GATA6: variants seen among roughly 807,000 people sequenced by gnomAD.
GATA6 encodes the protein transcription factor GATA-6.
A neutral mutation model predicts 48.1 loss-of-function variants in GATA6; 11 were observed. The ratio of observed to expected loss-of-function variants is 0.23; its 90% CI spans 0.14 to 0.38. The LOEUF (loss-of-function observed/expected upper bound fraction) is 0.38, where lower values mean the gene tolerates loss of function less well. GATA6 is among the 10% of genes least tolerant of loss of function. The pLI, the probability that GATA6 is intolerant of heterozygous loss-of-function variation, is 1.00. For synonymous variants in GATA6, 419 were observed against 396.1 expected (o/e 1.06, Z -0.69); for missense variants, 795 against 850.3 (o/e 0.93, Z 0.81).
At chr18:22,191,610 TGTTA>T (rs1177899680) in intron 6 of GATA6, among the ~76,000 whole-genome samples, 2 of 152,220 alleles carry the variant, frequency 1.3e-5, no homozygotes, top group African/African-American at 4.8e-5. Context: ...AAGTACAATC[TGTTA>T]GTTCTGTTCA....
Position 22,171,010 on chromosome 18 carries a change from T to G in GATA6, c.-37-98T>G. On this transcript the variant is annotated intron_variant, in intron 1 of 6. Coordinates refer to ENST00000269216, the MANE Select transcript of GATA6 (RefSeq NM_005257.6). The surrounding 1 kb of genome is among the most constrained non-coding windows in gnomAD (Gnocchi z 7.1). ...GATCTTTGAGAAGTCAGATCCCATT[T>G]GAACTAGAAAAAGGAGTGGAGGCGA... is the stretch of plus-strand genomic sequence containing the variant. 1.4e-6 allele frequency: 1 copy of G among 731,544 alleles called. No homozygotes were observed. Among genetic ancestry groups the G allele is most frequent in the Non-Finnish European group, 2.4e-6 (1 of 419,324 alleles). The allele number at this position is 731,544 out of a possible 1,614,324, so 45.3% of individuals were successfully genotyped here. A position where few individuals can be genotyped will look rare whatever the true frequency, so the allele number is the denominator to read the frequency against.
At position 22,185,572 on chromosome 18, in the gene GATA6, ACTCTTGG is replaced by A; in HGVS notation, c.1620+2531_1620+2537del. On this transcript the variant is annotated intron_variant, in intron 6 of 6. Transcript: ENST00000269216. This position sits in a 1 kb window ranked among gnomAD's most constrained non-coding sequence, Gnocchi z 4.3. ...AACCTCCCCAGTTCCCCAGGGACTG[ACTCTTGG>A]CCTTGTTCCGAGGGCACACACGGCT... is the stretch of plus-strand genomic sequence containing the variant. 6.6e-6 allele frequency among the ~76,000 whole-genome samples: 1 copy of A among 152,136 alleles called. No homozygotes were observed. Among genetic ancestry groups the A allele is most frequent in the Middle Eastern group, 3.4e-3 (1 of 292 alleles).
At chr18:22,191,961 C>T (rs537629585) in intron 6 of GATA6, among the ~76,000 whole-genome samples, 4 of 152,304 alleles carry the variant, frequency 2.6e-5, no homozygotes, top group Admixed American at 1.3e-4. Flanking sequence ...TGGCCTGGCA[C>T]GGTTTCACCA....
chr18:22,172,493 T>C lies in GATA6; in HGVS notation c.1135+214T>C, dbSNP rs1415474546. The stretch of plus-strand genomic sequence containing the variant: ...GAGTTGTGCCAAGACTTGAGTCTGT[T>C]GTGCCAAGTTCCTTTCCACGGATGA... On this transcript the variant is annotated intron_variant, in intron 2 of 6. Coordinates refer to ENST00000269216, the MANE Select transcript of GATA6 (RefSeq NM_005257.6). This position sits in a 1 kb window ranked among gnomAD's most constrained non-coding sequence, Gnocchi z 5.2. Among the ~76,000 whole-genome samples the C allele has an allele frequency of 6.6e-6, 1 of 152,264 alleles. No homozygotes were observed. Among genetic ancestry groups the C allele is most frequent in the East Asian group, 1.9e-4 (1 of 5,186 alleles).
chr18:22,197,981 C>G (rs2033412122), intron 6 of GATA6, among the ~76,000 whole-genome samples: 1 of 151,842 alleles, frequency 6.6e-6, no homozygotes, highest in Non-Finnish European at 1.5e-5. Context: ...CCTGGGAGCT[C>G]CTGGGGCAGT....
At chr18:22,178,972 T>C (rs2143295016) in intron 3 of GATA6, among the ~76,000 whole-genome samples, 1 of 152,360 alleles carries the variant, frequency 6.6e-6, no homozygotes. Flanking sequence ...GGAATAGTAG[T>C]CATTTAGGTT....
At position 22,171,201 on chromosome 18, in the gene GATA6, G is replaced by C. The variant is rs764489452; in HGVS notation, c.57G>C (p.Ala19=). 1.3e-6 allele frequency: 2 copies of C among 1,599,676 alleles called. No homozygotes were observed. Among genetic ancestry groups the C allele is most frequent in the Admixed American group, 3.3e-5 (2 of 59,950 alleles). The change falls in exon 2 of 7, where the codon GCG becomes GCC. Residue 19 remains alanine (A), a synonymous_variant. Coordinates refer to ENST00000269216, the MANE Select transcript of GATA6 (RefSeq NM_005257.6). This position sits in a 1 kb window ranked among gnomAD's most constrained non-coding sequence, Gnocchi z 7.1. ...CLPKRFGAAG[A]DASDSRAFPA... ...CGAAGCGCTTCGGGGCCGCGGGTGC[G>C]GACGCCAGCGACTCCAGAGCCTTTC...
chr18:22,170,982 T>G lies in GATA6; in HGVS notation c.-37-126T>G. On this transcript the variant is annotated intron_variant, in intron 1 of 6. Transcript: ENST00000269216. This position sits in a 1 kb window ranked among gnomAD's most constrained non-coding sequence, Gnocchi z 6.7. ...AATAGGATCTTTGAGAAGTCTCAAA[T>G]GGGATCTTTGAGAAGTCAGATCCCA... 1 of 663,522 alleles carries G rather than the reference T, an allele frequency of 1.5e-6. No individual in the cohort carries two copies. Among genetic ancestry groups the G allele is most frequent in the Non-Finnish European group, 2.7e-6 (1 of 372,904 alleles). 41.1% of individuals were successfully genotyped at this position (663,522 alleles called of 1,614,324 possible).
rs1461972429 is a variant in GATA6, at chr18:22,172,331, C to T, written c.1135+52C>T. ...TGCGGGTCCAAAGCGCTGGGGCGCA[C>T]GGGGGACGTGGAGCAGCTGCTCCAC... On this transcript the variant is annotated intron_variant, in intron 2 of 6. Transcript: ENST00000269216. This position sits in a 1 kb window ranked among gnomAD's most constrained non-coding sequence, Gnocchi z 5.2. 1 of 1,512,036 alleles carries T rather than the reference C, an allele frequency of 6.6e-7. No individual in the cohort carries two copies. The highest frequency in any genetic ancestry group is 8.8e-7 in the Non-Finnish European group (1 of 1,131,556). The allele number at this position is 1,512,036 out of a possible 1,614,324, so 93.7% of individuals were successfully genotyped here.
chr18:22,171,468 C>G lies in GATA6; in HGVS notation c.324C>G (p.Ser108Arg). The G allele has an allele frequency of 6.3e-7, 1 of 1,599,892 alleles. No homozygotes were observed. Among genetic ancestry groups the G allele is most frequent in the East Asian group, 2.2e-5 (1 of 44,798 alleles). The change falls in exon 2 of 7, where the codon AGC becomes AGG. Residue 108 changes from serine (S) to arginine (R), a missense_variant. Physicochemically the swap from Ser to Arg is moderately radical, Grantham distance 110 (BLOSUM62 -1). Coordinates refer to ENST00000269216, the MANE Select transcript of GATA6 (RefSeq NM_005257.6). This position sits in a 1 kb window ranked among gnomAD's most constrained non-coding sequence, Gnocchi z 7.1. ...GVAGPGGNLS[S>R]WEDLLLFTDL... ...CGGGCCCCGGGGGCAACCTGTCGAG[C>G]TGGGAGGACTTGCTGCTGTTCACTG...
Position 22,200,799 on chromosome 18 carries a change from C to G in GATA6, c.1764C>G (p.Ser588=), listed in dbSNP as rs1333538423. ...TCACGTCCTCCGTGCGACCGGATTCCTGGTGCGCCCTGGCCCTGGCCTGAG... is the reference window on the plus strand; with the variant it reads ...TCACGTCCTCCGTGCGACCGGATTCGTGGTGCGCCCTGGCCCTGGCCTGAG... The part of the protein sequence containing the change: ...AEVTSSVRPD[S]WCALALA Residue 588 remains serine (S), a synonymous_variant, in exon 7 of 7, where the codon TCC becomes TCG. Coordinates refer to ENST00000269216, the MANE Select transcript of GATA6 (RefSeq NM_005257.6). 1 of 1,612,256 alleles carries G rather than the reference C, an allele frequency of 6.2e-7. No homozygotes were observed. Among genetic ancestry groups the G allele is most frequent in the Admixed American group, 1.7e-5 (1 of 60,006 alleles).
chr18:22,173,140 A>G (rs1181737148), intron 2 of GATA6, among the ~76,000 whole-genome samples: 1 of 152,102 alleles, frequency 6.6e-6, no homozygotes, highest in Non-Finnish European at 1.5e-5. Context: ...TGAAAACGCT[A>G]TTGTCAAAAA....
intron 6 of GATA6, among the ~76,000 whole-genome samples, chr18:22,196,211 A>G (rs1236141237): frequency 6.6e-6 from 1 of 152,172 alleles, no homozygotes; most frequent in Admixed American, 6.5e-5. Flanking sequence ...TTTTTCTGAC[A>G]GGCTCAGCTA....
intron 2 of GATA6, chr18:22,175,458 A>G (rs1346561305): frequency 6.6e-6 from 1 of 152,192 alleles, no homozygotes; most frequent in African/African-American, 2.4e-5. Flanking sequence ...TCAACAACAA[A>G]GACAAATACC....
intron 6 of GATA6, among the ~76,000 whole-genome samples, chr18:22,184,602 C>A (rs1244309438): frequency 6.6e-6 from 1 of 152,028 alleles, no homozygotes; most frequent in African/African-American, 2.4e-5. Context: ...TCAAGCAATC[C>A]TCCCACTTCA....
At chr18:22,181,640 G>T in intron 4 of GATA6, 62 bp downstream of exon 4, 1 of 1,582,492 alleles carries the variant, frequency 6.3e-7, no homozygotes, top group Admixed American at 1.7e-5. Flanking sequence ...TGTGATATCA[G>T]TTACAAAGAA....
chr18:22,176,850 AGGGAAGCCGGGCACCGGGGCT>A, intron 2 of GATA6, 84 bp from the exon 3 acceptor site: 3 of 1,319,358 alleles, frequency 2.3e-6, no homozygotes, highest in Non-Finnish European at 3.0e-6. Context: ...GGGCACGGGC[AGGGAAGCCGGGCACCGGGGCT>A]GGGGGCCGGG....
intron 6 of GATA6, among the ~76,000 whole-genome samples, chr18:22,200,196 T>C (rs2033441266): frequency 1.3e-5 from 2 of 150,630 alleles, no homozygotes; most frequent in Admixed American, 1.3e-4. Flanking sequence ...TGTGTGTGTG[T>C]GTGTGCGCGC....
At position 22,171,053 on chromosome 18, in the gene GATA6, G is replaced by T. The variant is rs1567990589; in HGVS notation, c.-37-55G>T. 9.2e-7 allele frequency: 1 copy of T among 1,081,974 alleles called. No homozygotes were observed. The highest frequency in any genetic ancestry group is 1.4e-6 in the Non-Finnish European group (1 of 725,334). 67.0% of individuals were successfully genotyped at this position (1,081,974 alleles called of 1,614,324 possible). Reference sequence around the variant, plus strand: ...GGAGGCGAGGTAGCGTGCAGCCTACGCTCTTGTTAACCCGTCGATCTCCTA... The same window carrying T: ...GGAGGCGAGGTAGCGTGCAGCCTACTCTCTTGTTAACCCGTCGATCTCCTA... On this transcript the variant is annotated intron_variant, in intron 1 of 6. Transcript: ENST00000269216. The surrounding 1 kb of genome is among the most constrained non-coding windows in gnomAD (Gnocchi z 7.1).
Sources: allele counts gnomAD v4.1 joint callset (sites outside exome capture counted in the v4.1 genomes callset), GRCh38; gene constraint gnomAD v4.1.1; non-coding constraint Gnocchi (gnomAD v3.1); transcripts MANE v1.5; gene names NCBI Gene and HGNC (gene_info 2026-07-23, HGNC 2026-07-21).